The following ARB2A variants were observed in gnomAD, a reference collection of about 807,000 sequenced individuals.
ARB2A encodes the protein ARB2 cotranscriptional regulator A.
chr5:93,765,395 C>T, the ARB2A span, among the ~76,000 whole-genome samples: 1 of 152,130 alleles, frequency 6.6e-6, no homozygotes, highest in Admixed American at 6.5e-5. Flanking sequence ...TTCTTATACA[C>T]CAATAACAGA....
the ARB2A span, among the ~76,000 whole-genome samples, chr5:93,681,705 C>A: frequency 1.3e-5 from 2 of 152,122 alleles, no homozygotes; most frequent in South Asian, 4.1e-4. Flanking sequence ...TGCATAAGTT[C>A]ACCGAGGCCA....
the ARB2A span, among the ~76,000 whole-genome samples, chr5:93,932,133 T>G: frequency 6.6e-6 from 1 of 152,250 alleles, no homozygotes; most frequent in Admixed American, 6.5e-5. Context: ...TTTAGCCACA[T>G]GAACGCTTCT....
At chr5:93,830,311 GTATATATATATATATATA>G in the ARB2A span, among the ~76,000 whole-genome samples, 18 of 82,270 alleles carry the variant, frequency 2.2e-4, 1 homozygote, top group Admixed American at 6.4e-4. Flanking sequence ...GTGTGTGTGT[GTATATATATATATATATA>G]TATATATATA....
At chr5:93,741,001 A>G in the ARB2A span, 2 of 1,613,750 alleles carry the variant, frequency 1.2e-6, no homozygotes, top group South Asian at 1.1e-5. Flanking sequence ...CACTTCCTTC[A>G]GCCACTTTTT....
the ARB2A span, among the ~76,000 whole-genome samples, chr5:93,693,074 G>A: frequency 6.6e-6 from 1 of 152,176 alleles, no homozygotes; most frequent in Non-Finnish European, 1.5e-5. Flanking sequence ...GAAATTTATA[G>A]CACTAAATGC....
the ARB2A span, among the ~76,000 whole-genome samples, chr5:93,795,103 T>C: frequency 6.6e-6 from 1 of 151,852 alleles, no homozygotes; most frequent in African/African-American, 2.4e-5. Flanking sequence ...CTGAGCTCAG[T>C]CTCTCCTCTG....
chr5:93,964,343 C>A, the ARB2A span: 57 of 695,850 alleles, frequency 8.2e-5, no homozygotes, highest in Non-Finnish European at 1.3e-4. Flanking sequence ...TAAACCCTAA[C>A]ATTTAAACTT....
chr5:93,895,562 A>T, the ARB2A span, among the ~76,000 whole-genome samples: 1 of 152,300 alleles, frequency 6.6e-6, no homozygotes, highest in East Asian at 1.9e-4. Context: ...CTTTAATGGA[A>T]ATACAAAGAC....
the ARB2A span, among the ~76,000 whole-genome samples, chr5:93,791,311 T>C: frequency 6.6e-6 from 1 of 152,218 alleles, no homozygotes; most frequent in Non-Finnish European, 1.5e-5. Context: ...CTGGCTTGAA[T>C]GGGAAATAAT....
the ARB2A span, among the ~76,000 whole-genome samples, chr5:94,018,410 C>A: frequency 6.6e-6 from 1 of 152,182 alleles, no homozygotes; most frequent in Non-Finnish European, 1.5e-5. Flanking sequence ...AATTCACTAG[C>A]TTACTATCAT....
the ARB2A span, among the ~76,000 whole-genome samples, chr5:93,928,428 C>T: frequency 5.9e-5 from 9 of 152,086 alleles, no homozygotes; most frequent in African/African-American, 2.2e-4. Flanking sequence ...ATATGGTAGC[C>T]TAAAAATTTT....
At chr5:93,727,157 G>C in the ARB2A span, among the ~76,000 whole-genome samples, 13 of 151,976 alleles carry the variant, frequency 8.6e-5, no homozygotes, top group Admixed American at 2.6e-4. Flanking sequence ...ACAAGGAAAA[G>C]CTAGTCTAAG....
the ARB2A span, among the ~76,000 whole-genome samples, chr5:93,975,847 C>T: frequency 6.6e-6 from 1 of 152,102 alleles, no homozygotes. Flanking sequence ...ACCAATTCTA[C>T]TAGATACGCA....
At chr5:93,915,872 A>C in the ARB2A span, among the ~76,000 whole-genome samples, 3 of 152,062 alleles carry the variant, frequency 2.0e-5, no homozygotes, top group Non-Finnish European at 4.4e-5. Flanking sequence ...GCATTCCAGA[A>C]GAAAGATTAG....
the ARB2A span, among the ~76,000 whole-genome samples, chr5:93,689,381 A>G: frequency 3.9e-5 from 6 of 152,222 alleles, no homozygotes; most frequent in Non-Finnish European, 4.4e-5. Flanking sequence ...GTGGCTGAAT[A>G]TAAGTGAAGG....
At chr5:94,088,042 T>C in the ARB2A span, among the ~76,000 whole-genome samples, 1 of 152,214 alleles carries the variant, frequency 6.6e-6, no homozygotes, top group African/African-American at 2.4e-5. Flanking sequence ...TTATAATTTG[T>C]TCTTTGGGAC....
chr5:94,051,378 G>A, the ARB2A span, among the ~76,000 whole-genome samples: 1 of 152,206 alleles, frequency 6.6e-6, no homozygotes, highest in African/African-American at 2.4e-5. Flanking sequence ...TTCAAATACA[G>A]GTAGAATGTC....
At chr5:94,089,594 T>TAC in the ARB2A span, among the ~76,000 whole-genome samples, 16,337 of 135,430 alleles carry the variant, frequency 0.12, 1,030 homozygotes, top group East Asian at 0.17. Context: ...AAACCGTTTA[T>TAC]ACACACACAC....
the ARB2A span, among the ~76,000 whole-genome samples, chr5:93,826,295 T>C: frequency 6.6e-6 from 1 of 152,240 alleles, no homozygotes; most frequent in Non-Finnish European, 1.5e-5. Flanking sequence ...ATGTCATGGA[T>C]ATTAGACAAT....
Sources: gnomAD v4.1 joint callset for allele counts (sites outside exome capture counted in the v4.1 genomes callset) on GRCh38, gnomAD v4.1.1 for gene constraint, MANE v1.5 for transcripts, NCBI Gene and HGNC (gene_info 2026-07-23, HGNC 2026-07-21) for gene names.